USH2A: variants seen among roughly 807,000 people sequenced by gnomAD.
The protein encoded by USH2A is Usher syndrome 2A (autosomal recessive, mild).
USH2A carries 443 observed loss-of-function variants against 538.9 expected under a neutral mutation model. The observed-to-expected ratio is 0.82, with a 90% CI of 0.76 to 0.89. The LOEUF (loss-of-function observed/expected upper bound fraction) is 0.89. Ranked by LOEUF, USH2A falls within the 40% of genes least tolerant of loss-of-function variation. The probability of loss-of-function intolerance (pLI) is 0.00; values close to 1 mark genes in which losing one functional copy is unlikely to be tolerated. For synonymous variants in USH2A, 2,413 were observed against 2,273.5 expected (o/e 1.06, Z -1.75); for missense variants, 6,633 against 6,324.8 (o/e 1.05, Z -1.65).
At chr1:216,311,850 T>C (rs1240025832) in intron 9 of USH2A, among the ~76,000 whole-genome samples, 3 of 152,214 alleles carry the variant, frequency 2.0e-5, no homozygotes, top group African/African-American at 7.2e-5. Flanking sequence ...TGGTGTCTTG[T>C]ATTGTTGCTA....
chr1:215,680,888 A>G (rs1658206034), intron 61 of USH2A, among the ~76,000 whole-genome samples: 1 of 152,060 alleles, frequency 6.6e-6, no homozygotes, highest in South Asian at 2.1e-4. Context: ...GCATGTATAT[A>G]TATCTTACGA....
intron 37 of USH2A, among the ~76,000 whole-genome samples, chr1:215,943,377 GC>G (rs1403264211): frequency 6.6e-6 from 1 of 151,982 alleles, no homozygotes; most frequent in Non-Finnish European, 1.5e-5. Flanking sequence ...ACAGAATAGA[GC>G]TAAAATCTAA....
At chr1:215,840,262 G>C (rs143280783) in intron 46 of USH2A, among the ~76,000 whole-genome samples, 311 of 147,826 alleles carry the variant, frequency 2.1e-3, no homozygotes, top group African/African-American at 7.4e-3. Flanking sequence ...TTAGCATAGA[G>C]AGCCTTAATT....
intron 11 of USH2A, among the ~76,000 whole-genome samples, chr1:216,264,399 G>A (rs2036432580): frequency 6.6e-6 from 1 of 151,966 alleles, no homozygotes; most frequent in South Asian, 2.1e-4. Flanking sequence ...CTGGGTTCAA[G>A]TAGTTCTCCT....
chr1:216,240,138 C>T (rs1572082074), intron 13 of USH2A, among the ~76,000 whole-genome samples: 1 of 151,700 alleles, frequency 6.6e-6, no homozygotes. Context: ...AGTTGTGTAA[C>T]TCTAGACAGA....
intron 65 of USH2A, 128 bp from the exon 66 acceptor site, chr1:215,648,894 AT>A (rs1656952392): frequency 2.2e-6 from 2 of 897,978 alleles, no homozygotes; most frequent in South Asian, 1.3e-5. Flanking sequence ...ACAACATGGC[AT>A]TTAGCATGAC....
intron 64 of USH2A, among the ~76,000 whole-genome samples, chr1:215,659,761 A>G (rs1657385753): frequency 6.6e-6 from 1 of 152,090 alleles, no homozygotes; most frequent in Non-Finnish European, 1.5e-5. Flanking sequence ...CTGCAACCCT[A>G]ATCGGTCTGT....
intron 21 of USH2A, among the ~76,000 whole-genome samples, chr1:216,157,821 T>C (rs748846462): frequency 6.6e-6 from 1 of 152,108 alleles, no homozygotes; most frequent in Non-Finnish European, 1.5e-5. Flanking sequence ...GAGGGGACTG[T>C]AATTGGAAAA....
chr1:215,896,016 G>A (rs761024811), intron 40 of USH2A, among the ~76,000 whole-genome samples: 1 of 152,150 alleles, frequency 6.6e-6, no homozygotes, highest in Non-Finnish European at 1.5e-5. Flanking sequence ...ATCATCTTAT[G>A]GGTCCACCGT....
At chr1:215,952,710 C>T (rs2102442511) in intron 37 of USH2A, among the ~76,000 whole-genome samples, 1 of 152,300 alleles carries the variant, frequency 6.6e-6, no homozygotes, top group South Asian at 2.1e-4. Flanking sequence ...TATTGGCCCC[C>T]ACTCTGTTCT....
At chr1:216,023,075 T>C (rs1195388642) in intron 32 of USH2A, among the ~76,000 whole-genome samples, 1 of 152,076 alleles carries the variant, frequency 6.6e-6, no homozygotes, top group African/African-American at 2.4e-5. Context: ...CTACAGCAGG[T>C]GAGGGCAATG....
chr1:215,873,373 T>G (rs1664673223), intron 43 of USH2A, among the ~76,000 whole-genome samples: 2 of 152,170 alleles, frequency 1.3e-5, no homozygotes. Flanking sequence ...ATGTACAAAG[T>G]TAACTTCTTC....
At chr1:216,034,534 C>A (rs1307491167) in intron 32 of USH2A, among the ~76,000 whole-genome samples, 1 of 152,142 alleles carries the variant, frequency 6.6e-6, no homozygotes, top group East Asian at 1.9e-4. Flanking sequence ...AAGTTGAGGT[C>A]ATACTGAAAG....
At chr1:215,669,103 A>G (rs761491092) in intron 64 of USH2A, among the ~76,000 whole-genome samples, 14 of 152,202 alleles carry the variant, frequency 9.2e-5, no homozygotes, top group Non-Finnish European at 1.8e-4. Context: ...TCATGTGACC[A>G]GAATTTAACC....
intron 62 of USH2A, among the ~76,000 whole-genome samples, chr1:215,679,326 G>A (rs1658143946): frequency 6.6e-6 from 1 of 152,202 alleles, no homozygotes; most frequent in Non-Finnish European, 1.5e-5. Context: ...GAGAAGGAGT[G>A]GCAAAGAAAA....
At chr1:216,051,341 T>C (rs2030777902) in intron 30 of USH2A, among the ~76,000 whole-genome samples, 1 of 152,180 alleles carries the variant, frequency 6.6e-6, no homozygotes, top group African/African-American at 2.4e-5. Flanking sequence ...GTAAGCTTCA[T>C]TTTTCCATTT....
intron 21 of USH2A, chr1:216,174,142 A>G (rs1054545855): frequency 1.0e-6 from 1 of 985,070 alleles, no homozygotes; most frequent in African/African-American, 1.7e-5. Context: ...AAAGCAAACT[A>G]TTTACTATTT....
At chr1:216,318,262 C>T (rs1484184722) in intron 9 of USH2A, among the ~76,000 whole-genome samples, 1 of 152,106 alleles carries the variant, frequency 6.6e-6, no homozygotes, top group African/African-American at 2.4e-5. Context: ...TGAAGACATT[C>T]TTTTTGGATT....
At chr1:216,348,676 A>G (rs1286891883) in intron 4 of USH2A, among the ~76,000 whole-genome samples, 1 of 152,108 alleles carries the variant, frequency 6.6e-6, no homozygotes, top group Non-Finnish European at 1.5e-5. Flanking sequence ...TTTGCGCACA[A>G]ATCGATTCTA....
Sources: gnomAD v4.1 joint callset for allele counts (sites outside exome capture counted in the v4.1 genomes callset) on GRCh38, gnomAD v4.1.1 for gene constraint, MANE v1.5 for transcripts, NCBI Gene and HGNC (gene_info 2026-07-23, HGNC 2026-07-21) for gene names.